Variants in NOL4 observed in about 807,000 individuals in gnomAD.
The protein encoded by NOL4 is nucleolar protein 4, also known as cancer/testis antigen 125.
A neutral mutation model predicts 75.9 loss-of-function variants in NOL4; 17 were observed. The ratio of observed to expected loss-of-function variants is 0.22; its 90% confidence interval spans 0.15 to 0.34. The LOEUF (loss-of-function observed/expected upper bound fraction) is 0.34. Ranked by LOEUF, NOL4 falls within the 10% of genes least tolerant of loss-of-function variation. The pLI is 1.00. For missense variants in NOL4, 614 were observed against 793.5 expected (o/e 0.77, Z 2.72); for synonymous variants, 292 against 289.9 (o/e 1.01, Z -0.07).
At chr18:34,138,691 T>C (rs1036634392) in intron 1 of NOL4, among the ~76,000 whole-genome samples, 5 of 152,196 alleles carry the variant, frequency 3.3e-5, no homozygotes, top group Non-Finnish European at 7.3e-5. Flanking sequence ...CTGATTGCCC[T>C]GGCCAGAACT....
chr18:33,984,421 C>A (rs1236226792), intron 6 of NOL4, among the ~76,000 whole-genome samples: 1 of 152,050 alleles, frequency 6.6e-6, no homozygotes, highest in East Asian at 1.9e-4. Flanking sequence ...TGTGTCCCCA[C>A]CCAAATCTCA....
chr18:34,221,531 A>G (rs1231721056), intron 1 of NOL4: 1 of 151,218 alleles, frequency 6.6e-6, no homozygotes, highest in Non-Finnish European at 1.5e-5. Context: ...TGTCTTTAGT[A>G]GTGCCACATG....
chr18:33,857,485 A>G (rs1302462585), intron 10 of NOL4, among the ~76,000 whole-genome samples: 2 of 152,052 alleles, frequency 1.3e-5, no homozygotes, highest in East Asian at 3.9e-4. Flanking sequence ...AACAAGAAAC[A>G]TTGCCAATTC....
At chr18:33,892,821 T>A (rs1272617194) in intron 9 of NOL4, among the ~76,000 whole-genome samples, 1 of 151,882 alleles carries the variant, frequency 6.6e-6, no homozygotes, top group Non-Finnish European at 1.5e-5. Flanking sequence ...CCTTCCTGGC[T>A]AATTTTTTTC....
At chr18:34,019,647 T>C in intron 5 of NOL4, 46 bp from the exon 6 acceptor site, 2 of 1,543,766 alleles carry the variant, frequency 1.3e-6, no homozygotes, top group African/African-American at 1.4e-5. Context: ...TAATATGCTA[T>C]TCAGAGTCTA....
At chr18:34,090,581 T>G (rs532182686) in intron 5 of NOL4, among the ~76,000 whole-genome samples, 1 of 151,766 alleles carries the variant, frequency 6.6e-6, no homozygotes, top group African/African-American at 2.4e-5. Flanking sequence ...AGTTGAAGCC[T>G]GCACTCTGGC....
In NOL4 at chr18:33,993,643, G is replaced by A. The variant is rs114075123; in HGVS notation, c.1056+25675C>T. ...AAACTGTATGAGTGAGCAGATGTTA[G>A]GTTTAACAGAATAAGATGTCAAAGT... On this transcript the variant is annotated intron_variant, in intron 6 of 10. Transcript: ENST00000261592. 2.4e-3 allele frequency among the ~76,000 whole-genome samples: 359 copies of A among 151,814 alleles called. 3 individuals are homozygous for A. The highest frequency in any genetic ancestry group is 8.3e-3 in the African/African-American group (343 of 41,472).
chr18:33,972,795 C>G (rs2071181122), intron 6 of NOL4, among the ~76,000 whole-genome samples: 1 of 152,146 alleles, frequency 6.6e-6, no homozygotes, highest in Non-Finnish European at 1.5e-5. Flanking sequence ...AAGCAATGCA[C>G]ATATCTTAAT....
chr18:33,919,566 G>C (rs2068193322), intron 9 of NOL4, among the ~76,000 whole-genome samples: 1 of 152,178 alleles, frequency 6.6e-6, no homozygotes, highest in Non-Finnish European at 1.5e-5. Context: ...ATAAACAAAA[G>C]ACATGTATAG....
At chr18:34,099,941 T>C (rs2078968587) in intron 4 of NOL4, among the ~76,000 whole-genome samples, 1 of 152,080 alleles carries the variant, frequency 6.6e-6, no homozygotes, top group Non-Finnish European at 1.5e-5. Context: ...AAGAGGTCCA[T>C]TTTCCTGGTC....
intron 9 of NOL4, among the ~76,000 whole-genome samples, chr18:33,894,884 C>T (rs1200607354): frequency 1.3e-5 from 2 of 151,900 alleles, no homozygotes; most frequent in African/African-American, 2.4e-5. Context: ...CAGACAGACA[C>T]GAAGAACAGG....
intron 10 of NOL4, among the ~76,000 whole-genome samples, chr18:33,872,716 G>A (rs895832621): frequency 9.2e-5 from 14 of 151,904 alleles, no homozygotes; most frequent in Admixed American, 4.6e-4. Context: ...AATAGATCCC[G>A]GTGGAGGAAC....
At chr18:34,143,632 C>T (rs112654160) in intron 1 of NOL4, among the ~76,000 whole-genome samples, 2,318 of 151,918 alleles carry the variant, frequency 0.015, 60 homozygotes, top group African/African-American at 0.053. Context: ...TTTGGGAGGC[C>T]GAGGCGGGTG....
chr18:34,177,208 A>G (rs2033630768), intron 1 of NOL4, among the ~76,000 whole-genome samples: 1 of 152,020 alleles, frequency 6.6e-6, no homozygotes, highest in Admixed American at 6.6e-5. Context: ...AAAATTCTAG[A>G]AATTGCAAAC....
rs35140600 is a variant in NOL4, at chr18:34,132,736, C to CAAA, written c.265-2719_265-2717dup. On this transcript the variant is annotated intron_variant, in intron 1 of 10. Transcript: ENST00000261592. ...CAACAAACCCAAAGTTTCAAAAACGCAAAAAAAAAAAAAAAGTAAATAGAC... is the reference window on the plus strand; with the variant it reads ...CAACAAACCCAAAGTTTCAAAAACGCAAAAAAAAAAAAAAAAAAGTAAATAGAC... 1.0e-4 allele frequency among the ~76,000 whole-genome samples: 11 copies of CAAA among 106,642 alleles called. No homozygotes were observed. In the South Asian group the frequency reaches 2.2e-3, roughly 22 times the overall value. The allele number at this position is 106,642 out of a possible 152,430, so 70.0% of individuals were successfully genotyped here. A position where few individuals can be genotyped will look rare whatever the true frequency, so the allele number is the denominator to read the frequency against.
rs1164917127 is a variant in NOL4 at position 33,883,246 on chromosome 18, C to T, written c.1721G>A (p.Ser574Asn). The change falls in exon 10 of 11, where the codon AGT (serine) becomes AAT (asparagine). Residue 574 changes from serine (S) to asparagine (N), a missense_variant and splice_region_variant. Coordinates refer to ENST00000261592, the MANE Select transcript of NOL4 (RefSeq NM_003787.5). The part of the protein sequence containing the change: ...GLLNLNDASS[S>N]GPTDLSMKRQ... ...CACAATCTATGATAAATACTCACCACTGCTGGAAGCATCATTCAGATTTAG... is the reference window on the plus strand; with the variant it reads ...CACAATCTATGATAAATACTCACCATTGCTGGAAGCATCATTCAGATTTAG... The T allele has an allele frequency of 3.8e-6, 6 of 1,586,894 alleles. No homozygotes were observed. The highest frequency in any genetic ancestry group is 5.1e-6 in the Non-Finnish European group (6 of 1,169,654).
chr18:34,001,051 A>G (rs904001515), intron 6 of NOL4, among the ~76,000 whole-genome samples: 4 of 152,164 alleles, frequency 2.6e-5, no homozygotes, highest in Non-Finnish European at 5.9e-5. Context: ...GTAAATCTTA[A>G]GGAATATGTT....
At chr18:34,215,716 A>G (rs1296227867) in intron 1 of NOL4, among the ~76,000 whole-genome samples, 2 of 152,184 alleles carry the variant, frequency 1.3e-5, no homozygotes, top group African/African-American at 2.4e-5. Context: ...AAAACACCCA[A>G]TAGAAAATCG....
chr18:33,881,434 G>A (rs1479539851), intron 10 of NOL4, among the ~76,000 whole-genome samples: 2 of 151,054 alleles, frequency 1.3e-5, no homozygotes, highest in African/African-American at 4.9e-5. Context: ...GGGCATCCCT[G>A]TCTTGTGCCA....
Sources: allele counts gnomAD v4.1 joint callset (sites outside exome capture counted in the v4.1 genomes callset), GRCh38; gene constraint gnomAD v4.1.1; transcripts MANE v1.5; gene names NCBI Gene and HGNC (gene_info 2026-07-23, HGNC 2026-07-21).